ARHGEF18: variants seen among roughly 807,000 people sequenced by gnomAD.
ARHGEF18 encodes the protein Rho/Rac guanine nucleotide exchange factor 18, also known as rho guanine nucleotide exchange factor 18.
ARHGEF18 carries 93 observed loss-of-function variants against 155.7 expected under a neutral mutation model. The observed-to-expected ratio is 0.60, with a 90% CI of 0.50 to 0.71. The LOEUF (loss-of-function observed/expected upper bound fraction) is 0.71. Ranked by LOEUF, ARHGEF18 falls within the 30% of genes least tolerant of loss-of-function variation. The pLI, the probability that ARHGEF18 is intolerant of heterozygous loss-of-function variation, is 0.00. For missense variants in ARHGEF18, 1,593 were observed against 1,816.1 expected (o/e 0.88, Z 2.23); for synonymous variants, 742 against 753.1 (o/e 0.99, Z 0.24).
At chr19:7,363,242 G>A (rs1969705570) in intron 2 of ARHGEF18, among the ~76,000 whole-genome samples, 1 of 151,842 alleles carries the variant, frequency 6.6e-6, no homozygotes, top group South Asian at 2.1e-4. Flanking sequence ...ATGGATACGT[G>A]GATGAATAGA....
At chr19:7,460,163 T>C (rs2145875701) in intron 20 of ARHGEF18, among the ~76,000 whole-genome samples, 169 bp downstream of exon 20, 1 of 152,116 alleles carries the variant, frequency 6.6e-6, no homozygotes. Flanking sequence ...TGCCATGACA[T>C]AGCGATCTCC....
Position 7,456,417 on chromosome 19 carries a change from C to G in ARHGEF18, c.2181+14C>G. 1 of 1,612,688 alleles carries G rather than the reference C, an allele frequency of 6.2e-7. No individual in the cohort carries two copies. The highest frequency in any genetic ancestry group is 1.3e-5 in the African/African-American group (1 of 75,010). The stretch of plus-strand genomic sequence containing the variant: ...TTTGCTTCTGTGGTATGTATCCTGT[C>G]TCTTCAGACGAAGGGTCGGCTGGGT... On this transcript the variant is annotated intron_variant, in intron 18 of 28. Coordinates refer to ENST00000668164, the MANE Select transcript of ARHGEF18 (RefSeq NM_001367823.1).
chr19:7,407,425 CAA>C (rs59665719), intron 10 of ARHGEF18, among the ~76,000 whole-genome samples: 21 of 108,640 alleles, frequency 1.9e-4, no homozygotes, highest in Non-Finnish European at 2.4e-4. Context: ...GACTGAGTCT[CAA>C]AAAAAAAAAA....
chr19:7,371,037 T>A (rs559782678), intron 2 of ARHGEF18, among the ~76,000 whole-genome samples: 1 of 151,982 alleles, frequency 6.6e-6, no homozygotes, highest in South Asian at 2.1e-4. Context: ...CAGCCTCCCA[T>A]GTAGCTGGGA....
intron 10 of ARHGEF18, chr19:7,394,946 ACTTCGGTGCCCGCGCCC>A: frequency 1.6e-6 from 1 of 623,618 alleles, no homozygotes; most frequent in Non-Finnish European, 2.0e-6. Flanking sequence ...GCACCCTCCC[ACTTCGGTGCCCGCGCCC>A]CTCTCAAGGC....
At chr19:7,476,343 A>G (rs1248897063), downstream of ARHGEF18, among the ~76,000 whole-genome samples, 1 of 146,742 alleles carries the variant, frequency 6.8e-6, no homozygotes, top group Admixed American at 6.7e-5. Context: ...AATTGATATC[A>G]CATGAGGCCC....
chr19:7,451,093 G>C lies in ARHGEF18; in HGVS notation c.1738-56G>C. The C allele has an allele frequency of 7.3e-6, 10 of 1,363,670 alleles. 1 individual carries two copies. In the South Asian group the frequency reaches 1.2e-4, roughly 16 times the overall value. The allele number at this position is 1,363,670 out of a possible 1,614,324, so 84.5% of individuals were successfully genotyped here. ...GTCCGTTTCTGAGATGTTAATACAG[G>C]ATCTTGCTGTCCGTTTCTGAGATGT... On this transcript the variant is annotated intron_variant, in intron 15 of 28. Transcript: ENST00000668164.
intron 13 of ARHGEF18, among the ~76,000 whole-genome samples, chr19:7,443,715 G>A (rs1328570272): frequency 6.8e-6 from 1 of 146,514 alleles, no homozygotes; most frequent in Non-Finnish European, 1.5e-5. Context: ...ACAGCCACAG[G>A]AGTGTTCCTC....
At chr19:7,418,256 T>C (rs1443256482) in intron 10 of ARHGEF18, among the ~76,000 whole-genome samples, 1 of 151,930 alleles carries the variant, frequency 6.6e-6, no homozygotes, top group Non-Finnish European at 1.5e-5. Context: ...GTGGGGTTTT[T>C]TTGTTTTGTT....
chr19:7,396,133 G>C (rs1368303018), intron 10 of ARHGEF18, among the ~76,000 whole-genome samples: 3 of 152,214 alleles, frequency 2.0e-5, no homozygotes, highest in Non-Finnish European at 4.4e-5. Flanking sequence ...ACTAGCACTT[G>C]AGTGTTTTGC....
chr19:7,363,012 A>C, intron 2 of ARHGEF18, 107 bp downstream of exon 2: 1,575 of 1,108,700 alleles, frequency 1.4e-3, no homozygotes, highest in South Asian at 1.7e-3. Context: ...ACATTATCTC[A>C]GGGAATCCTC....
At position 7,362,206 on chromosome 19, in the gene ARHGEF18, GAGAAA is replaced by G. The variant is rs374884592; in HGVS notation, c.-110-570_-110-566del. 1.6e-5 allele frequency among the ~76,000 whole-genome samples: 2 copies of G among 126,068 alleles called. 1 individual carries two copies. The highest frequency in any genetic ancestry group is 8.5e-5 in the African/African-American group (2 of 23,524). The allele number at this position is 126,068 out of a possible 152,430, so 82.7% of individuals were successfully genotyped here. A position where few individuals can be genotyped will look rare whatever the true frequency, so the allele number is the denominator to read the frequency against. On this transcript the variant is annotated intron_variant, in intron 1 of 28. Coordinates refer to ENST00000668164, the MANE Select transcript of ARHGEF18 (RefSeq NM_001367823.1). The stretch of plus-strand genomic sequence containing the variant: ...GAAGGAGAAGAAGGAGAAGAAGAAG[GAGAAA>G]AGAAGAGGAAGAAGAGGAAGAAGAA...
downstream of ARHGEF18, among the ~76,000 whole-genome samples, chr19:7,475,244 G>A (rs769422993): frequency 8.5e-5 from 13 of 152,080 alleles, no homozygotes; most frequent in Non-Finnish European, 1.5e-4. Context: ...AAGAGGGCCC[G>A]TAGTCTTTAA....
chr19:7,444,237 C>T lies in ARHGEF18; in HGVS notation c.1394C>T (p.Thr465Met), dbSNP rs1424662539. 47 of 1,613,420 alleles carry T rather than the reference C, an allele frequency of 2.9e-5. No individual in the cohort carries two copies. The highest frequency in any genetic ancestry group is 3.2e-5 in the Non-Finnish European group (38 of 1,180,020). ...LMQTEVHHVR[T>M]LKIMLKVYSR... is the part of the protein sequence containing the mutation. ...CAGACAGAGGTGCACCACGTGCGGA[C>T]GCTCAAGATCATGCTGAAGGTGTAC... Residue 465 changes from threonine (T) to methionine (M), a missense_variant, in exon 14 of 29, where the codon ACG (threonine) becomes ATG (methionine). By Grantham distance (81) the Thr-to-Met change is moderately conservative. Transcript: ENST00000668164. This position sits in a 1 kb window ranked among gnomAD's most constrained non-coding sequence, Gnocchi z 4.7.
At chr19:7,454,566 G>A (rs1975709360) in intron 17 of ARHGEF18, among the ~76,000 whole-genome samples, 1 of 152,282 alleles carries the variant, frequency 6.6e-6, no homozygotes, top group South Asian at 2.1e-4. Flanking sequence ...GTTTGGTTTG[G>A]TGGGTGTCAA....
chr19:7,447,534 A>AG (rs550635871), intron 15 of ARHGEF18, among the ~76,000 whole-genome samples: 91 of 151,094 alleles, frequency 6.0e-4, no homozygotes, highest in Admixed American at 1.3e-3. Flanking sequence ...AAAAAAAAAA[A>AG]CTTACATTCT....
chr19:7,409,618 G>A (rs1351684788), intron 10 of ARHGEF18, among the ~76,000 whole-genome samples: 2 of 149,150 alleles, frequency 1.3e-5, no homozygotes, highest in African/African-American at 4.9e-5. Context: ...GTATTTTTTA[G>A]TAAACACGGG....
At chr19:7,398,260 G>A (rs988143214) in intron 10 of ARHGEF18, among the ~76,000 whole-genome samples, 2 of 151,722 alleles carry the variant, frequency 1.3e-5, no homozygotes, top group Admixed American at 6.6e-5. Context: ...TAGTAGAGGC[G>A]GGGTTTCGCC....
intron 1 of ARHGEF18, among the ~76,000 whole-genome samples, chr19:7,353,598 AAAAAG>A (rs1969207618): frequency 6.6e-6 from 1 of 151,650 alleles, no homozygotes; most frequent in African/African-American, 2.4e-5. Context: ...CTCAAAAAAA[AAAAAG>A]AAAAAGAAAA....
Sources: allele counts gnomAD v4.1 joint callset (sites outside exome capture counted in the v4.1 genomes callset), GRCh38; gene constraint gnomAD v4.1.1; non-coding constraint Gnocchi (gnomAD v3.1); transcripts MANE v1.5; gene names NCBI Gene and HGNC (gene_info 2026-07-23, HGNC 2026-07-21).